Variants in SLC13A3 observed in about 807,000 individuals in gnomAD.
The protein encoded by SLC13A3 is solute carrier family 13 member 3, also known as Na(+)/dicarboxylate cotransporter 3.
A neutral mutation model predicts 59.0 loss-of-function variants in SLC13A3; 40 were observed. The observed-to-expected ratio is 0.68, with a 90% CI of 0.53 to 0.88. SLC13A3 has a LOEUF of 0.88. SLC13A3 is among the 40% of genes least tolerant of loss of function. The pLI, the probability that SLC13A3 is intolerant of heterozygous loss-of-function variation, is 0.00. For synonymous variants in SLC13A3, 317 were observed against 330.3 expected, an observed-to-expected ratio of 0.96 and a Z score of 0.44; for missense variants, 699 against 783.2, an observed-to-expected ratio of 0.89 and a Z score of 1.28.
intron 3 of SLC13A3, among the ~76,000 whole-genome samples, chr20:46,603,783 T>G (rs73113752): frequency 0.33 from 49,369 of 151,374 alleles, 8,353 homozygotes; most frequent in South Asian, 0.43. Context: ...TATTCTTAGC[T>G]CCCAGGCTGT....
intron 6 of SLC13A3, among the ~76,000 whole-genome samples, chr20:46,590,329 G>GA (rs1057381208): frequency 4.1e-4 from 62 of 149,434 alleles, no homozygotes; most frequent in African/African-American, 1.4e-3. Flanking sequence ...AGAAAAGATT[G>GA]AAAAAAAAAT....
In SLC13A3 at chr20:46,600,000, C is replaced by T. The variant is rs760980547; in HGVS notation, c.579G>A (p.Thr193=). 14 of 1,587,852 alleles carry T rather than the reference C, an allele frequency of 8.8e-6. No homozygotes were observed. The African/African-American group carries it at 9.4e-5, about 11-fold the overall frequency. The change falls in exon 4 of 13, where the codon ACG becomes ACA. Residue 193 remains threonine, a synonymous_variant. Coordinates refer to ENST00000279027, the MANE Select transcript of SLC13A3 (RefSeq NM_022829.6). ...VRRNGLHTVP[T]EMQFLASTEA... ...CTGTGCTGGCGAGAAACTGCATCTC[C>T]GTGGGCACAGTGTGTAGGCCGTTTC...
intron 1 of SLC13A3, among the ~76,000 whole-genome samples, chr20:46,623,729 C>T (rs146769258): frequency 3.6e-4 from 55 of 152,242 alleles, no homozygotes; most frequent in Middle Eastern, 3.4e-3. Flanking sequence ...CAAAGTATAA[C>T]GATCGCTAGC....
intron 1 of SLC13A3, among the ~76,000 whole-genome samples, chr20:46,679,529 G>T (rs2063143797): frequency 6.6e-6 from 1 of 152,096 alleles, no homozygotes; most frequent in Admixed American, 6.5e-5. Flanking sequence ...CAGGAGAATG[G>T]CGTGAACCCA....
At chr20:46,655,592 T>C (rs2062980226), upstream of SLC13A3, among the ~76,000 whole-genome samples, 1 of 147,800 alleles carries the variant, frequency 6.8e-6, no homozygotes, top group Non-Finnish European at 1.5e-5. Flanking sequence ...TGTATGGATA[T>C]ACCATATCAT....
chr20:46,597,582 G>A (rs1387309321), intron 4 of SLC13A3, among the ~76,000 whole-genome samples: 5 of 152,044 alleles, frequency 3.3e-5, no homozygotes, highest in Non-Finnish European at 7.4e-5. Context: ...GATTATAGGT[G>A]CCCACCACCA....
intron 12 of SLC13A3, among the ~76,000 whole-genome samples, chr20:46,562,624 C>T (rs2061941038): frequency 6.6e-6 from 1 of 152,110 alleles, no homozygotes; most frequent in Admixed American, 6.5e-5. Flanking sequence ...TAGAAAGCAG[C>T]CTCCTAGGAG....
chr20:46,624,203 T>C (rs1226134825), intron 1 of SLC13A3, among the ~76,000 whole-genome samples: 1 of 152,190 alleles, frequency 6.6e-6, no homozygotes, highest in African/African-American at 2.4e-5. Flanking sequence ...CTGGCTCCTT[T>C]CTCCAGAAAA....
Position 46,608,906 on chromosome 20 carries a change from T to G in SLC13A3, c.541+1540A>C, listed in dbSNP as rs111828740. 1.2e-4 allele frequency: 180 copies of G among 1,550,748 alleles called. 1 individual carries two copies. In the African/African-American group the frequency reaches 2.3e-3, roughly 19 times the overall value. ...GTCCCAGGTGCCATCATATTCACATTCCACCCGGCAGGAAGGACAGAACCC... is the reference window on the plus strand; with the variant it reads ...GTCCCAGGTGCCATCATATTCACATGCCACCCGGCAGGAAGGACAGAACCC... On this transcript the variant is annotated intron_variant, in intron 3 of 12. Coordinates refer to ENST00000279027, the MANE Select transcript of SLC13A3 (RefSeq NM_022829.6).
chr20:46,677,596 A>C (rs2063133728), intron 1 of SLC13A3, among the ~76,000 whole-genome samples: 1 of 152,144 alleles, frequency 6.6e-6, no homozygotes, highest in Non-Finnish European at 1.5e-5. Context: ...ACTATGGGTG[A>C]AACCAGGGGT....
chr20:46,583,550 AC>A (rs1228923460), intron 9 of SLC13A3, 21 bp downstream of exon 9: 3 of 1,612,248 alleles, frequency 1.9e-6, no homozygotes, highest in Admixed American at 1.7e-5. Flanking sequence ...GCCCACCGAG[AC>A]CCCAGCCTTG....
chr20:46,575,691 CAG>C lies in SLC13A3; in HGVS notation c.1220-8_1220-7del. On this transcript the variant is annotated splice_region_variant and splice_polypyrimidine_tract_variant and intron_variant, in intron 9 of 12. Coordinates refer to ENST00000279027, the MANE Select transcript of SLC13A3 (RefSeq NM_022829.6). ...CTCTGTCTCTGTGTTGGGAGCTGGG[CAG>C]AGAGAGGGATTCAGCACACACTCAG... The C allele has an allele frequency of 6.4e-7, 1 of 1,561,340 alleles. No individual in the cohort carries two copies. Among genetic ancestry groups the C allele is most frequent in the Admixed American group, 1.8e-5 (1 of 55,046 alleles).
intron 10 of SLC13A3, among the ~76,000 whole-genome samples, chr20:46,572,362 C>T (rs1419491045): frequency 6.6e-6 from 1 of 152,200 alleles, no homozygotes; most frequent in African/African-American, 2.4e-5. Context: ...GGAACAGCTA[C>T]TACACAAAGC....
At chr20:46,590,110 G>A (rs1024416871) in intron 6 of SLC13A3, among the ~76,000 whole-genome samples, 31 of 152,122 alleles carry the variant, frequency 2.0e-4, no homozygotes, top group African/African-American at 7.2e-4. Flanking sequence ...CATAAATGGT[G>A]TTAGGACACT....
At chr20:46,611,300 T>C (rs1366289981) in intron 2 of SLC13A3, among the ~76,000 whole-genome samples, 9 of 152,212 alleles carry the variant, frequency 5.9e-5, no homozygotes, top group East Asian at 1.9e-4. Flanking sequence ...GTTTTAATTA[T>C]TGTAATTTTA....
intron 1 of SLC13A3, among the ~76,000 whole-genome samples, chr20:46,625,980 C>A (rs1196422335): frequency 6.6e-6 from 1 of 152,174 alleles, no homozygotes; most frequent in East Asian, 1.9e-4. Flanking sequence ...TAGAATACAT[C>A]TGCTTTGGAG....
intron 1 of SLC13A3, among the ~76,000 whole-genome samples, chr20:46,645,954 T>C (rs2062890117): frequency 6.6e-6 from 1 of 152,146 alleles, no homozygotes; most frequent in Non-Finnish European, 1.5e-5. Context: ...GTAAATAATA[T>C]TGAGTGGTAA....
chr20:46,566,084 A>G lies in SLC13A3; in HGVS notation c.1494+145T>C, dbSNP rs996197242. 14 of 672,238 alleles carry G rather than the reference A, an allele frequency of 2.1e-5. 2 individuals carry two copies. The highest frequency in any genetic ancestry group is 2.0e-4 in the South Asian group (11 of 54,852). The allele number at this position is 672,238 out of a possible 1,614,324, so 41.6% of individuals were successfully genotyped here. A position where few individuals can be genotyped will look rare whatever the true frequency, so the allele number is the denominator to read the frequency against. The stretch of plus-strand genomic sequence containing the variant: ...AGGAAAACATCCAGTATTTAAAAAA[A>G]TTGTACTGTGGTTCTGATACGTTCA... On this transcript the variant is annotated intron_variant, in intron 11 of 12. Transcript: ENST00000279027.
Position 46,559,812 on chromosome 20 carries a change from G to C in SLC13A3, c.*210C>G. 1 of 535,676 alleles carries C rather than the reference G, an allele frequency of 1.9e-6. No homozygotes were observed. Among genetic ancestry groups the C allele is most frequent in the Non-Finnish European group, 3.3e-6 (1 of 302,162 alleles). 33.2% of individuals were successfully genotyped at this position (535,676 alleles called of 1,614,324 possible). On this transcript the variant is annotated 3_prime_UTR_variant, in exon 13 of 13. Coordinates refer to ENST00000279027, the MANE Select transcript of SLC13A3 (RefSeq NM_022829.6). The stretch of plus-strand genomic sequence containing the variant: ...CTTATTTCTCAGGCAGCAGATCTGA[G>C]AGATACCTGGGCTTTGAACTGCATG...
Sources: allele counts gnomAD v4.1 joint callset (sites outside exome capture counted in the v4.1 genomes callset), GRCh38; gene constraint gnomAD v4.1.1; transcripts MANE v1.5; gene names NCBI Gene and HGNC (gene_info 2026-07-23, HGNC 2026-07-21).